The following GPLD1 variants were observed in gnomAD, a reference collection of about 807,000 sequenced individuals.
GPLD1 encodes glycosylphosphatidylinositol specific phospholipase D1.
Under a neutral mutation model 112.6 loss-of-function variants are expected in GPLD1, and 84 were observed. That is an observed-to-expected ratio of 0.75 (90% confidence interval 0.63 to 0.89). The LOEUF (loss-of-function observed/expected upper bound fraction) is 0.89. Ranked by LOEUF, GPLD1 falls within the 40% of genes least tolerant of loss-of-function variation. The probability of loss-of-function intolerance (pLI) is 0.00; values close to 1 mark genes in which losing one functional copy is unlikely to be tolerated. For missense variants in GPLD1, 1,044 were observed against 1,051.5 expected, an observed-to-expected ratio of 0.99 and a Z score of 0.10; for synonymous variants, 386 against 403.8, an observed-to-expected ratio of 0.96 and a Z score of 0.53.
chr6:24,436,779 C>CA, intron 21 of GPLD1, 43 bp from the exon 22 acceptor site: 1 of 1,589,706 alleles, frequency 6.3e-7, no homozygotes, highest in South Asian at 1.1e-5. Context: ...TTTGACTCCT[C>CA]ACTGTCATCT....
rs1220137319 is a variant in GPLD1 at position 24,427,397 on chromosome 6, A to C, written c.*1635T>G. 6.6e-6 allele frequency among the ~76,000 whole-genome samples: 1 copy of C among 152,222 alleles called. No homozygotes were observed. The highest frequency in any genetic ancestry group is 1.5e-5 in the Non-Finnish European group (1 of 68,030). On this transcript the variant is annotated 3_prime_UTR_variant, in exon 25 of 25. Coordinates refer to ENST00000230036, the MANE Select transcript of GPLD1 (RefSeq NM_001503.4). The stretch of plus-strand genomic sequence containing the variant: ...TAACCTAATGCGACAAAGGTCCCTC[A>C]TGAGATGGCTTAAAACTAGCAGTGT...
intron 22 of GPLD1, chr6:24,435,748 C>T: frequency 7.2e-6 from 1 of 139,240 alleles, no homozygotes; most frequent in Non-Finnish European, 1.5e-5. Flanking sequence ...TGGCTTGAAC[C>T]TGGGAGGAGG....
chr6:24,439,817 A>C (rs1223223614), intron 20 of GPLD1, among the ~76,000 whole-genome samples: 1 of 152,362 alleles, frequency 6.6e-6, no homozygotes, highest in Non-Finnish European at 1.5e-5. Context: ...ACTATAACAC[A>C]GAATTCCTTC....
intron 3 of GPLD1, among the ~76,000 whole-genome samples, chr6:24,477,174 C>T (rs1581781401): frequency 6.6e-6 from 1 of 150,398 alleles, no homozygotes; most frequent in East Asian, 1.9e-4. Flanking sequence ...TGAACAACTT[C>T]AACTTAAACA....
intron 7 of GPLD1, among the ~76,000 whole-genome samples, chr6:24,468,622 C>T (rs533671206): frequency 2.6e-4 from 39 of 151,422 alleles, no homozygotes; most frequent in Non-Finnish European, 4.3e-4. Flanking sequence ...GGTGCGATAT[C>T]GGTTCACCGC....
chr6:24,494,547 A>G (rs1425447545), upstream of GPLD1, among the ~76,000 whole-genome samples: 3 of 152,208 alleles, frequency 2.0e-5, no homozygotes, highest in African/African-American at 7.2e-5. Flanking sequence ...TAGGGCAGGC[A>G]CCAGCGCATC....
rs766377876 is a variant in GPLD1, at chr6:24,437,262, G to C, written c.2048C>G (p.Thr683Ser). 2 of 1,614,020 alleles carry C rather than the reference G, an allele frequency of 1.2e-6. No homozygotes were observed. The highest frequency in any genetic ancestry group is 1.7e-5 in the Admixed American group (1 of 60,020). Residue 683 changes from threonine (T) to serine (S), a missense_variant, in exon 21 of 25, where the codon ACC (threonine) becomes AGC (serine). Physicochemically the swap from Thr to Ser is moderately conservative, Grantham distance 58. Transcript: ENST00000230036. The part of the protein sequence containing the change: ...YDDVSKVAFL[T>S]VTLHQGGATR... ...GGCTCCGCCTTGGTGTAGGGTCACGGTCAGGAATGCCACCTTAGACACGTC... is the reference window on the plus strand; with the variant it reads ...GGCTCCGCCTTGGTGTAGGGTCACGCTCAGGAATGCCACCTTAGACACGTC...
intron 7 of GPLD1, among the ~76,000 whole-genome samples, chr6:24,468,917 G>A (rs1347174013): frequency 1.3e-5 from 2 of 152,192 alleles, no homozygotes; most frequent in Admixed American, 6.5e-5. Context: ...TATCATGGGT[G>A]TGTCCTTAAT....
chr6:24,462,272 A>G (rs1653517743), intron 11 of GPLD1, among the ~76,000 whole-genome samples: 1 of 152,116 alleles, frequency 6.6e-6, no homozygotes, highest in Non-Finnish European at 1.5e-5. Context: ...AGCTGGGACT[A>G]CAGGCACACA....
At chr6:24,451,179 C>T (rs1348710690) in intron 14 of GPLD1, among the ~76,000 whole-genome samples, 1 of 152,168 alleles carries the variant, frequency 6.6e-6, no homozygotes, top group Non-Finnish European at 1.5e-5. Flanking sequence ...AAGGTAGGAA[C>T]TGTTAGCATC....
At chr6:24,464,580 G>A (rs2127352128) in intron 10 of GPLD1, among the ~76,000 whole-genome samples, 1 of 152,288 alleles carries the variant, frequency 6.6e-6, no homozygotes, top group East Asian at 1.9e-4. Flanking sequence ...TATAATTATG[G>A]TTAACACTGT....
chr6:24,445,884 C>A, intron 18 of GPLD1, 53 bp from the exon 19 acceptor site: 1 of 1,282,408 alleles, frequency 7.8e-7, no homozygotes, highest in Non-Finnish European at 1.1e-6. Flanking sequence ...TGACAGCTGG[C>A]CAGGTACTCA....
Position 24,427,756 on chromosome 6 carries a change from G to C in GPLD1, c.*1276C>G, listed in dbSNP as rs1479559079. Among the ~76,000 whole-genome samples the C allele has an allele frequency of 7.1e-6, 1 of 140,554 alleles. No individual in the cohort carries two copies. Among genetic ancestry groups the C allele is most frequent in the Admixed American group, 8.1e-5 (1 of 12,364 alleles). 92.2% of individuals were successfully genotyped at this position (140,554 alleles called of 152,430 possible). ...AGCTGCCTGGGAGGCTGAGACAGGA[G>C]AATCACTTGAACCTGGGAGGCGGAG... On this transcript the variant is annotated 3_prime_UTR_variant, in exon 25 of 25. Transcript: ENST00000230036.
Position 24,467,183 on chromosome 6 carries a change from T to G in GPLD1, c.637A>C (p.Ile213Leu), listed in dbSNP as rs745847627. Residue 213 changes from isoleucine to leucine, a missense_variant, in exon 8 of 25, where the codon ATC becomes CTC. By Grantham distance (5) the Ile-to-Leu change is conservative. Transcript: ENST00000230036. ...TACGCTTACATTTCTAAGAACTGGA[T>G]ATGTGAACAATCAACGATTACATTT... The part of the protein sequence containing the change: ...TENVIVDCSH[I>L]QFLEMYGEML... 1 of 1,576,398 alleles carries G rather than the reference T, an allele frequency of 6.3e-7. No homozygotes were observed. Among genetic ancestry groups the G allele is most frequent in the Non-Finnish European group, 8.7e-7 (1 of 1,145,684 alleles).
intron 2 of GPLD1, among the ~76,000 whole-genome samples, chr6:24,482,137 G>A (rs1164499972): frequency 8.1e-6 from 1 of 122,812 alleles, no homozygotes; most frequent in East Asian, 2.3e-4. Context: ...GTCTCACACT[G>A]TCACCGGGCT....
At chr6:24,437,340 G>C (rs573015476) in intron 20 of GPLD1, 51 bp from the exon 21 acceptor site, 140 of 1,545,422 alleles carry the variant, frequency 9.1e-5, no homozygotes, top group Non-Finnish European at 1.2e-4. Context: ...AGGCATTACA[G>C]AACACGGAAT....
rs1488109711 is a variant in GPLD1, at chr6:24,460,310, C to T, written c.977G>A (p.Gly326Glu). ...CCAGGAATTTACACTAAAGAACACT[C>T]CTCTTTCAGTATAGTTTATATTCCT... ...VDRNINYTER[G>E]VFFSVNSWTP... is the part of the protein sequence containing the mutation. Residue 326 changes from glycine (G) to glutamate (E), a missense_variant, in exon 12 of 25, where the codon GGA becomes GAA. Gly to Glu is a moderately conservative substitution (Grantham distance 98). Coordinates refer to ENST00000230036, the MANE Select transcript of GPLD1 (RefSeq NM_001503.4). 4 of 1,613,234 alleles carry T rather than the reference C, an allele frequency of 2.5e-6. No individual in the cohort carries two copies. Among genetic ancestry groups the T allele is most frequent in the Non-Finnish European group, 3.4e-6 (4 of 1,179,192 alleles).
upstream of GPLD1, among the ~76,000 whole-genome samples, chr6:24,494,568 G>A (rs1385161152): frequency 6.6e-6 from 1 of 152,204 alleles, no homozygotes; most frequent in Non-Finnish European, 1.5e-5. Context: ...TATGGACCGC[G>A]CACAAATTCC....
In GPLD1 at chr6:24,476,219, G is replaced by A. The variant is rs758320261; in HGVS notation, c.292C>T (p.His98Tyr). 2 of 1,574,814 alleles carry A rather than the reference G, an allele frequency of 1.3e-6. No homozygotes were observed. Among genetic ancestry groups the A allele is most frequent in the Non-Finnish European group, 1.7e-6 (2 of 1,154,992 alleles). Reference sequence around the variant, plus strand: ...AGGGGATAGTTCTCTCGGATATAATGAACGCTTGCATTAAGAAACGGAGTC... The same window carrying A: ...AGGGGATAGTTCTCTCGGATATAATAAACGCTTGCATTAAGAAACGGAGTC... ...HWTPFLNASV[H>Y]YIRENYPLPW... Residue 98 changes from histidine to tyrosine, a missense_variant, in exon 4 of 25, where the codon CAT (histidine) becomes TAT (tyrosine). Transcript: ENST00000230036.
Sources: allele counts gnomAD v4.1 joint callset (sites outside exome capture counted in the v4.1 genomes callset), GRCh38; gene constraint gnomAD v4.1.1; transcripts MANE v1.5; gene names NCBI Gene and HGNC (gene_info 2026-07-23, HGNC 2026-07-21).